The following NSMCE2 variants were observed in gnomAD, a reference collection of about 807,000 sequenced individuals.
NSMCE2 encodes the protein NSE2 SUMO ligase component of SMC5/6 complex, also known as E3 SUMO-protein ligase NSE2.
Under a neutral mutation model 23.8 loss-of-function variants are expected in NSMCE2, and 24 were observed. That is an observed-to-expected ratio of 1.01 (90% CI 0.73 to 1.42). The LOEUF is 1.42. NSMCE2 is among the 40% of genes most tolerant of loss of function. The pLI is 0.00. For synonymous variants in NSMCE2, 92 were observed against 94.1 expected, an observed-to-expected ratio of 0.98 and a Z score of 0.13; for missense variants, 284 against 296.5, an observed-to-expected ratio of 0.96 and a Z score of 0.31.
chr8:125,324,097 G>A (rs1413017751), intron 5 of NSMCE2, among the ~76,000 whole-genome samples: 2 of 152,180 alleles, frequency 1.3e-5, no homozygotes, highest in African/African-American at 4.8e-5. Flanking sequence ...TTAGTCATTA[G>A]GGAAATACAG....
intron 4 of NSMCE2, among the ~76,000 whole-genome samples, chr8:125,177,232 G>C (rs1267575158): frequency 1.3e-5 from 2 of 152,180 alleles, no homozygotes; most frequent in Non-Finnish European, 2.9e-5. Flanking sequence ...TCACAGCACT[G>C]AAGTGGGTGT....
intron 5 of NSMCE2, among the ~76,000 whole-genome samples, chr8:125,329,683 A>G (rs1294915631): frequency 1.3e-5 from 2 of 152,152 alleles, no homozygotes; most frequent in Non-Finnish European, 2.9e-5. Flanking sequence ...AGTGATAAGT[A>G]TGGCCTCTGG....
rs1483733720 is a variant in NSMCE2, at chr8:125,312,179, A to T, written c.419-45040A>T. Among the ~76,000 whole-genome samples the T allele has an allele frequency of 3.3e-5, 5 of 152,162 alleles. No homozygotes were observed. The East Asian group carries it at 9.6e-4, about 29-fold the overall frequency. On this transcript the variant is annotated intron_variant, in intron 5 of 7. Transcript: ENST00000287437. ...TAATGAACTCTCTGAGACATTTAAT[A>T]AACTTTGATGTCTCTGTTCTATGCT...
Position 125,206,119 on chromosome 8 carries a change from G to GT in NSMCE2, c.418+23864dup, listed in dbSNP as rs550390276. Among the ~76,000 whole-genome samples, 838 of 152,278 alleles carry GT rather than the reference G, an allele frequency of 5.5e-3. 5 individuals are homozygous for GT. Among genetic ancestry groups the GT allele is most frequent in the Non-Finnish European group, 1.0e-2 (679 of 68,020 alleles). The stretch of plus-strand genomic sequence containing the variant: ...TCATATAATATTAAATGTTAAAGCA[G>GT]TATAAATATTTATATGTATTCTGAT... On this transcript the variant is annotated intron_variant, in intron 5 of 7. Transcript: ENST00000287437.
At chr8:125,262,434 T>A (rs1826735015) in intron 5 of NSMCE2, among the ~76,000 whole-genome samples, 1 of 152,028 alleles carries the variant, frequency 6.6e-6, no homozygotes, top group Non-Finnish European at 1.5e-5. Flanking sequence ...AAAAAATAAA[T>A]AAATAAATAG....
intron 4 of NSMCE2, among the ~76,000 whole-genome samples, chr8:125,172,185 T>C (rs76541191): frequency 0.031 from 4,748 of 152,276 alleles, 247 homozygotes; most frequent in African/African-American, 0.11. Context: ...TTCCAGGGTC[T>C]GTTGCCAGCC....
At chr8:125,353,446 ACT>A (rs2131357383) in intron 5 of NSMCE2, among the ~76,000 whole-genome samples, 1 of 152,084 alleles carries the variant, frequency 6.6e-6, no homozygotes, top group African/African-American at 2.4e-5. Context: ...TGATAAAGGG[ACT>A]CTCTTAGGAG....
In NSMCE2 at chr8:125,190,695, A is replaced by G. The variant is rs1215648243; in HGVS notation, c.418+8439A>G. 2.0e-5 allele frequency among the ~76,000 whole-genome samples: 3 copies of G among 152,270 alleles called. No homozygotes were observed. In the East Asian group the frequency reaches 5.8e-4, roughly 29 times the overall value. On this transcript the variant is annotated intron_variant, in intron 5 of 7. Transcript: ENST00000287437. ...AAAAGCACTCATCTACTCTGCATTCATCTTAGGTTTGCCCTATTCCTATTG... is the reference window on the plus strand; with the variant it reads ...AAAAGCACTCATCTACTCTGCATTCGTCTTAGGTTTGCCCTATTCCTATTG...
intron 5 of NSMCE2, among the ~76,000 whole-genome samples, chr8:125,356,232 G>A (rs1281250505): frequency 6.9e-6 from 1 of 144,680 alleles, no homozygotes; most frequent in Non-Finnish European, 1.5e-5. Flanking sequence ...ATGTCTGTGT[G>A]TATGGGGGGG....
intron 5 of NSMCE2, among the ~76,000 whole-genome samples, chr8:125,275,913 TTA>T (rs1827431181): frequency 6.6e-6 from 1 of 152,168 alleles, no homozygotes; most frequent in African/African-American, 2.4e-5. Flanking sequence ...AATAACTCTG[TTA>T]TGTCTTTAGC....
chr8:125,237,077 A>G (rs1047429166), intron 5 of NSMCE2, among the ~76,000 whole-genome samples: 2 of 152,232 alleles, frequency 1.3e-5, no homozygotes, highest in African/African-American at 4.8e-5. Flanking sequence ...AAGTTGGCAC[A>G]GTAAATACAG....
chr8:125,314,264 G>GTGTTTTGTTTTTGTTTTGTTTT (rs71295836), intron 5 of NSMCE2, among the ~76,000 whole-genome samples: 1 of 150,840 alleles, frequency 6.6e-6, no homozygotes, highest in Non-Finnish European at 1.5e-5. Context: ...AAGGAGCCTT[G>GTGTTTTGTTTTTGTTTTGTTTT]TGTTTTGTTT....
intron 5 of NSMCE2, among the ~76,000 whole-genome samples, chr8:125,262,269 CA>C (rs1424107715): frequency 6.6e-6 from 1 of 151,506 alleles, no homozygotes; most frequent in Non-Finnish European, 1.5e-5. Flanking sequence ...ACTAAAAATA[CA>C]AAAAATTAGC....
intron 5 of NSMCE2, among the ~76,000 whole-genome samples, chr8:125,327,365 A>G (rs1305052513): frequency 1.3e-5 from 2 of 152,212 alleles, no homozygotes; most frequent in Admixed American, 6.5e-5. Context: ...ATTGAAAACT[A>G]TATGACTGAA....
intron 5 of NSMCE2, among the ~76,000 whole-genome samples, chr8:125,232,790 A>G (rs1449562480): frequency 6.6e-6 from 1 of 152,142 alleles, no homozygotes; most frequent in Non-Finnish European, 1.5e-5. Flanking sequence ...CTTTTTGGAT[A>G]TGTAGAAATA....
intron 5 of NSMCE2, among the ~76,000 whole-genome samples, chr8:125,306,923 A>G (rs1217881678): frequency 2.6e-5 from 4 of 152,238 alleles, no homozygotes; most frequent in African/African-American, 4.8e-5. Context: ...TAATAAGTTA[A>G]TACATGTGAA....
chr8:125,248,413 A>G (rs1826075333), intron 5 of NSMCE2, among the ~76,000 whole-genome samples: 1 of 152,206 alleles, frequency 6.6e-6, no homozygotes, highest in Non-Finnish European at 1.5e-5. Flanking sequence ...CAAAATTAAT[A>G]TCATCAGGCT....
At position 125,277,611 on chromosome 8, in the gene NSMCE2, A is replaced by G. The variant is rs562107541; in HGVS notation, c.419-79608A>G. ...AAGCTCCGCCTCCCAGGTTCACGCC[A>G]TTCTCCTGCCTCAGCCTCCCGAGTA... On this transcript the variant is annotated intron_variant, in intron 5 of 7. Transcript: ENST00000287437. Among the ~76,000 whole-genome samples the G allele has an allele frequency of 1.6e-4, 24 of 151,384 alleles. No individual in the cohort carries two copies. The South Asian group carries it at 4.8e-3, about 30-fold the overall frequency.
At chr8:125,262,296 G>A (rs886809250) in intron 5 of NSMCE2, among the ~76,000 whole-genome samples, 2 of 151,812 alleles carry the variant, frequency 1.3e-5, no homozygotes, top group Non-Finnish European at 1.5e-5. Context: ...GTGGTGGCAG[G>A]TGCCTATAGT....
Sources: allele counts gnomAD v4.1 joint callset (sites outside exome capture counted in the v4.1 genomes callset), GRCh38; gene constraint gnomAD v4.1.1; transcripts MANE v1.5; gene names NCBI Gene and HGNC (gene_info 2026-07-23, HGNC 2026-07-21).